FSTL5: variants seen among roughly 807,000 people sequenced by gnomAD.
The protein encoded by FSTL5 is follistatin-related protein 5.
A neutral mutation model predicts 89.1 loss-of-function variants in FSTL5; 62 were observed. The ratio of observed to expected loss-of-function variants is 0.70; its 90% CI spans 0.57 to 0.86. FSTL5 has a LOEUF of 0.86. Among genes scored for constraint, FSTL5 ranks in the 40% least tolerant of loss-of-function variants. The pLI, the probability that FSTL5 is intolerant of heterozygous loss-of-function variation, is 0.00. For synonymous variants in FSTL5, 383 were observed against 346.2 expected, an observed-to-expected ratio of 1.11 and a Z score of -1.18; for missense variants, 1,057 against 1,001.6, an observed-to-expected ratio of 1.06 and a Z score of -0.75.
At chr4:161,433,379 TA>T (rs957854451) in intron 15 of FSTL5, among the ~76,000 whole-genome samples, 41 of 151,824 alleles carry the variant, frequency 2.7e-4, no homozygotes, top group Non-Finnish European at 3.7e-4. Flanking sequence ...AAAAAAACCC[TA>T]AAAAAACTGG....
At chr4:161,526,915 G>C (rs1408189586) in intron 10 of FSTL5, among the ~76,000 whole-genome samples, 2 of 152,206 alleles carry the variant, frequency 1.3e-5, no homozygotes, top group Non-Finnish European at 2.9e-5. Context: ...GCTTAGGACT[G>C]ACTTGGTGAT....
chr4:161,573,526 G>C (rs1202745832), intron 8 of FSTL5, among the ~76,000 whole-genome samples: 4 of 138,372 alleles, frequency 2.9e-5, no homozygotes, highest in Non-Finnish European at 6.2e-5. Flanking sequence ...ACCTGAGGTC[G>C]GGAGTTCGCT....
At chr4:161,414,390 C>T (rs150219052) in intron 15 of FSTL5, among the ~76,000 whole-genome samples, 29 of 152,160 alleles carry the variant, frequency 1.9e-4, no homozygotes, top group South Asian at 4.2e-4. Context: ...AGAAATAAAA[C>T]GAGACAAAAT....
chr4:161,505,558 A>G (rs1006756138), intron 11 of FSTL5, among the ~76,000 whole-genome samples: 13 of 152,190 alleles, frequency 8.5e-5, no homozygotes, highest in African/African-American at 3.1e-4. Context: ...GTACTGAAAA[A>G]CACTGAATGG....
intron 2 of FSTL5, among the ~76,000 whole-genome samples, chr4:162,097,725 GT>G (rs557616990): frequency 1.4e-3 from 212 of 151,808 alleles, no homozygotes; most frequent in Admixed American, 2.2e-3. Flanking sequence ...AAAGCTCAAA[GT>G]CACTAGTTAA....
At chr4:161,720,618 C>T (rs1739164702) in intron 6 of FSTL5, among the ~76,000 whole-genome samples, 1 of 152,030 alleles carries the variant, frequency 6.6e-6, no homozygotes, top group African/African-American at 2.4e-5. Flanking sequence ...CATTAATGTC[C>T]ATCATTTATG....
At chr4:161,916,140 G>C (rs1456488271) in intron 4 of FSTL5, among the ~76,000 whole-genome samples, 1 of 152,072 alleles carries the variant, frequency 6.6e-6, no homozygotes, top group African/African-American at 2.4e-5. Flanking sequence ...TGCACAGATC[G>C]CTGTGACAAC....
At chr4:161,817,897 G>A (rs930666853) in intron 4 of FSTL5, among the ~76,000 whole-genome samples, 3 of 151,980 alleles carry the variant, frequency 2.0e-5, no homozygotes, top group Non-Finnish European at 4.4e-5. Flanking sequence ...AAATGATACT[G>A]GAGTTGGGAG....
intron 3 of FSTL5, among the ~76,000 whole-genome samples, chr4:161,935,682 A>G (rs1160090260): frequency 6.6e-6 from 1 of 151,966 alleles, no homozygotes; most frequent in Non-Finnish European, 1.5e-5. Flanking sequence ...ACATGTCTCC[A>G]TTGCTTCTGA....
intron 12 of FSTL5, among the ~76,000 whole-genome samples, chr4:161,491,645 C>T (rs953886185): frequency 7.2e-5 from 11 of 151,772 alleles, no homozygotes; most frequent in Admixed American, 2.0e-4. Flanking sequence ...GTTCAAGACC[C>T]GCCTGGTCAA....
At chr4:161,586,404 A>T (rs1047254093) in intron 8 of FSTL5, among the ~76,000 whole-genome samples, 42 of 152,158 alleles carry the variant, frequency 2.8e-4, no homozygotes, top group African/African-American at 9.7e-4. Flanking sequence ...AAAGTAGTAA[A>T]TGGCACACCC....
At chr4:162,105,772 C>T (rs1731203042) in intron 2 of FSTL5, among the ~76,000 whole-genome samples, 1 of 152,162 alleles carries the variant, frequency 6.6e-6, no homozygotes, top group African/African-American at 2.4e-5. Context: ...TGACCGAGGA[C>T]ATATTTGCTC....
At chr4:161,612,901 T>C (rs1242806666) in intron 7 of FSTL5, among the ~76,000 whole-genome samples, 1 of 151,940 alleles carries the variant, frequency 6.6e-6, no homozygotes, top group Non-Finnish European at 1.5e-5. Flanking sequence ...TACAAATGTG[T>C]CTGTGAATGT....
chr4:161,992,930 G>GCA (rs1736172420), intron 3 of FSTL5, among the ~76,000 whole-genome samples: 2 of 8,038 alleles, frequency 2.5e-4, no homozygotes, highest in Non-Finnish European at 1.6e-3. Context: ...ATATATGTGT[G>GCA]TATATATATA....
chr4:161,576,931 T>C (rs1338825009), intron 8 of FSTL5, among the ~76,000 whole-genome samples: 2 of 152,234 alleles, frequency 1.3e-5, no homozygotes, highest in Non-Finnish European at 2.9e-5. Flanking sequence ...ATTTATGTGG[T>C]AGACCACAAA....
intron 8 of FSTL5, among the ~76,000 whole-genome samples, chr4:161,545,670 T>G (rs1198211781): frequency 2.0e-5 from 3 of 151,982 alleles, no homozygotes; most frequent in Admixed American, 1.3e-4. Context: ...GCATAGTAAC[T>G]CTTTCTCTGT....
At chr4:161,967,630 A>C (rs1735366092) in intron 3 of FSTL5, among the ~76,000 whole-genome samples, 1 of 151,948 alleles carries the variant, frequency 6.6e-6, no homozygotes, top group Admixed American at 6.6e-5. Context: ...TTATATTGAA[A>C]GTATTCTGAA....
chr4:162,065,107 C>A (rs1738851272), intron 2 of FSTL5, among the ~76,000 whole-genome samples: 1 of 151,886 alleles, frequency 6.6e-6, no homozygotes, highest in Non-Finnish European at 1.5e-5. Context: ...ATTAACTTAA[C>A]ATGGAATAAA....
intron 3 of FSTL5, among the ~76,000 whole-genome samples, chr4:161,949,219 T>C (rs974005524): frequency 6.6e-6 from 1 of 152,100 alleles, no homozygotes; most frequent in African/African-American, 2.4e-5. Context: ...TCTCCCTCTT[T>C]CCCTTATAAG....
Sources: allele counts gnomAD v4.1 joint callset (sites outside exome capture counted in the v4.1 genomes callset), GRCh38; gene constraint gnomAD v4.1.1; transcripts MANE v1.5; gene names NCBI Gene and HGNC (gene_info 2026-07-23, HGNC 2026-07-21).